Variants in LMX1B observed in about 807,000 individuals in gnomAD.
LMX1B encodes the protein LIM homeobox transcription factor 1-beta.
Under a neutral mutation model 51.4 loss-of-function variants are expected in LMX1B, and 12 were observed. That is an observed-to-expected ratio of 0.23 (90% CI 0.15 to 0.38). LMX1B has a LOEUF of 0.38. Among genes scored for constraint, LMX1B ranks in the 10% least tolerant of loss-of-function variants. The pLI is 1.00. For missense variants in LMX1B, 445 were observed against 571.1 expected, an observed-to-expected ratio of 0.78 and a Z score of 2.25; for synonymous variants, 237 against 235.4, an observed-to-expected ratio of 1.01 and a Z score of -0.06.
At chr9:126,684,672 G>T (rs1231043002) in intron 2 of LMX1B, among the ~76,000 whole-genome samples, 1 of 152,144 alleles carries the variant, frequency 6.6e-6, no homozygotes, top group Non-Finnish European at 1.5e-5. Context: ...GGTCTGGTTG[G>T]CTCCCCTTGA....
At chr9:126,656,387 A>C (rs1175364741) in intron 2 of LMX1B, among the ~76,000 whole-genome samples, 2 of 43,110 alleles carry the variant, frequency 4.6e-5, no homozygotes, top group African/African-American at 8.4e-5. Flanking sequence ...TGGTCTTTAG[A>C]TAGATAGATA....
chr9:126,694,345 C>G (rs1301531561), intron 6 of LMX1B, among the ~76,000 whole-genome samples: 2 of 152,192 alleles, frequency 1.3e-5, no homozygotes, highest in East Asian at 3.9e-4. Context: ...CAGCCCCAAG[C>G]CTGGAGCTCA....
chr9:126,640,470 C>T (rs1039919302), intron 2 of LMX1B, among the ~76,000 whole-genome samples: 2 of 152,172 alleles, frequency 1.3e-5, no homozygotes, highest in Non-Finnish European at 2.9e-5. Flanking sequence ...TGCACCAGTC[C>T]TGGGCCTTTG....
intron 2 of LMX1B, among the ~76,000 whole-genome samples, chr9:126,643,732 G>C (rs1029620128): frequency 6.6e-6 from 1 of 152,210 alleles, no homozygotes; most frequent in Admixed American, 6.5e-5. Context: ...GGGTGTGTCC[G>C]TGGACTCCCT....
intron 2 of LMX1B, among the ~76,000 whole-genome samples, chr9:126,639,699 G>T (rs947321400): frequency 1.3e-5 from 2 of 152,208 alleles, no homozygotes; most frequent in African/African-American, 2.4e-5. Flanking sequence ...TGACTGGGGA[G>T]GGGGGCAGAG....
chr9:126,614,343 C>A lies in LMX1B; in HGVS notation c.-107C>A. ...GGGGGCCGGCGCAACCCCTGCCCTG[C>A]GGGGGCCGCGCCTCCCCGGTTCCAG... is the stretch of plus-strand genomic sequence containing the variant. On this transcript the variant is annotated 5_prime_UTR_variant, in exon 1 of 8. Transcript: ENST00000373474. 12 of 805,220 alleles carry A rather than the reference C, an allele frequency of 1.5e-5. No homozygotes were observed. Among genetic ancestry groups the A allele is most frequent in the Non-Finnish European group, 1.8e-5 (12 of 653,914 alleles). The allele number at this position is 805,220 out of a possible 1,614,324, so 49.9% of individuals were successfully genotyped here.
At position 126,696,539 on chromosome 9, in the gene LMX1B, T is replaced by G; in HGVS notation, c.*88T>G. Reference sequence around the variant, plus strand: ...CAGCCTGGCCACCCCCGCCCTGCTCTCCGCACAGACTACAGACAGCCATAC... The same window carrying G: ...CAGCCTGGCCACCCCCGCCCTGCTCGCCGCACAGACTACAGACAGCCATAC... On this transcript the variant is annotated 3_prime_UTR_variant, in exon 8 of 8. Coordinates refer to ENST00000373474, the MANE Select transcript of LMX1B (RefSeq NM_001174147.2). 11 of 1,492,714 alleles carry G rather than the reference T, an allele frequency of 7.4e-6. No individual in the cohort carries two copies. Among genetic ancestry groups the G allele is most frequent in the Non-Finnish European group, 1.0e-5 (11 of 1,075,524 alleles). 92.5% of individuals were successfully genotyped at this position (1,492,714 alleles called of 1,614,324 possible).
chr9:126,671,031 T>A lies in LMX1B; in HGVS notation c.327-19805T>A. Reference sequence around the variant, plus strand: ...TGTCTGGAGGGGAGTGCAGGACAGATACACAGCCAGGGGCCATGCCAGGTG... The same window carrying A: ...TGTCTGGAGGGGAGTGCAGGACAGAAACACAGCCAGGGGCCATGCCAGGTG... On this transcript the variant is annotated intron_variant, in intron 2 of 7. Transcript: ENST00000373474. This position sits in a 1 kb window ranked among gnomAD's most constrained non-coding sequence, Gnocchi z 4.4. 6.6e-6 allele frequency among the ~76,000 whole-genome samples: 1 copy of A among 152,086 alleles called. No homozygotes were observed. Among genetic ancestry groups the A allele is most frequent in the Non-Finnish European group, 1.5e-5 (1 of 68,028 alleles).
At chr9:126,687,270 C>T (rs1342733586) in intron 2 of LMX1B, among the ~76,000 whole-genome samples, 1 of 151,832 alleles carries the variant, frequency 6.6e-6, no homozygotes, top group Non-Finnish European at 1.5e-5. Context: ...TCTCTGTCGC[C>T]CAGGCTGGAG....
chr9:126,687,800 C>G (rs1249724311), intron 2 of LMX1B, among the ~76,000 whole-genome samples: 1 of 152,182 alleles, frequency 6.6e-6, no homozygotes, highest in Non-Finnish European at 1.5e-5. Flanking sequence ...CCATGTGATT[C>G]CAATGCCACC....
rs1011528130 is a variant in LMX1B at position 126,626,768 on chromosome 9, C to A, written c.326+11199C>A. Among the ~76,000 whole-genome samples, 3 of 152,196 alleles carry A rather than the reference C, an allele frequency of 2.0e-5. No homozygotes were observed. Among genetic ancestry groups the A allele is most frequent in the Non-Finnish European group, 4.4e-5 (3 of 68,030 alleles). ...GCAAACTCTGCGGATTAGGTTTCAGCGCCTCCGCCCCACCCCCAGCCCCGC... is the reference window on the plus strand; with the variant it reads ...GCAAACTCTGCGGATTAGGTTTCAGAGCCTCCGCCCCACCCCCAGCCCCGC... On this transcript the variant is annotated intron_variant, in intron 2 of 7. Coordinates refer to ENST00000373474, the MANE Select transcript of LMX1B (RefSeq NM_001174147.2). This position sits in a 1 kb window ranked among gnomAD's most constrained non-coding sequence, Gnocchi z 4.3.
At position 126,693,339 on chromosome 9, in the gene LMX1B, G is replaced by T. The variant is rs374894222; in HGVS notation, c.741+16G>T. 215 of 1,583,440 alleles carry T rather than the reference G, an allele frequency of 1.4e-4. No homozygotes were observed. In the African/African-American group the frequency reaches 2.8e-3, roughly 21 times the overall value. On this transcript the variant is annotated intron_variant, in intron 4 of 7. Transcript: ENST00000373474. ...TTGCCGAAAGGTGAGGGGCGGCCGG[G>T]GGGCGGGGCTCAGGCTGATGCCCGC...
Position 126,615,348 on chromosome 9 carries a change from C to T in LMX1B, c.140-35C>T, listed in dbSNP as rs747714281. 6.7e-7 allele frequency: 1 copy of T among 1,500,180 alleles called. No individual in the cohort carries two copies. The highest frequency in any genetic ancestry group is 8.9e-7 in the Non-Finnish European group (1 of 1,127,562). The allele number at this position is 1,500,180 out of a possible 1,614,324, so 92.9% of individuals were successfully genotyped here. On this transcript the variant is annotated intron_variant, in intron 1 of 7. Coordinates refer to ENST00000373474, the MANE Select transcript of LMX1B (RefSeq NM_001174147.2). The surrounding 1 kb of genome is among the most constrained non-coding windows in gnomAD (Gnocchi z 6.0). ...GGGACGCCGGGGCTGGGCCGGGCGG[C>T]GCTGACGGCCGGGCTTTCGCCCTGT...
rs149434820 is a variant in LMX1B, at chr9:126,690,960, C to A, written c.451C>A (p.Arg151Ser). The A allele has an allele frequency of 1.5e-5, 24 of 1,613,946 alleles. No homozygotes were observed. The highest frequency in any genetic ancestry group is 1.7e-6 in the Non-Finnish European group (2 of 1,179,978). ...CTGCTGCGTGTGTGAACGGCAGCTA[C>A]GCAAGGGCGACGAATTCGTGCTCAA... Reference protein sequence around the residue: ...FCCCVCERQLRKGDEFVLKEG... With the variant: ...FCCCVCERQLSKGDEFVLKEG... Residue 151 changes from arginine (R) to serine (S), a missense_variant, in exon 3 of 8, where the codon CGC (arginine) becomes AGC (serine). Physicochemically the swap from Arg to Ser is moderately radical, Grantham distance 110. Transcript: ENST00000373474.
intron 2 of LMX1B, among the ~76,000 whole-genome samples, chr9:126,628,424 T>C (rs1023473229): frequency 7.2e-5 from 11 of 152,308 alleles, no homozygotes; most frequent in African/African-American, 2.6e-4. Context: ...AAGAGTTTGA[T>C]ATTGTTATGA....
intron 2 of LMX1B, among the ~76,000 whole-genome samples, chr9:126,683,613 C>T (rs1277815416): frequency 6.6e-6 from 1 of 152,218 alleles, no homozygotes; most frequent in East Asian, 1.9e-4. Context: ...GTCCCGCCCA[C>T]AACCATAACC....
At chr9:126,622,607 C>T (rs901067383) in intron 2 of LMX1B, among the ~76,000 whole-genome samples, 2 of 152,218 alleles carry the variant, frequency 1.3e-5, no homozygotes, top group South Asian at 2.1e-4. Flanking sequence ...CCCCTTCTCC[C>T]GCCTCCTGCC....
At chr9:126,680,176 C>G (rs1359469361) in intron 2 of LMX1B, among the ~76,000 whole-genome samples, 1 of 152,204 alleles carries the variant, frequency 6.6e-6, no homozygotes, top group Non-Finnish European at 1.5e-5. Flanking sequence ...GGCCAGAGGC[C>G]CAGCAGCTCC....
At chr9:126,660,154 C>T (rs10987396) in intron 2 of LMX1B, among the ~76,000 whole-genome samples, 162 of 68,430 alleles carry the variant, frequency 2.4e-3, no homozygotes, top group African/African-American at 2.9e-3. Flanking sequence ...CTACACTGGC[C>T]TTAGAGATTG....
Sources: allele counts gnomAD v4.1 joint callset (sites outside exome capture counted in the v4.1 genomes callset), GRCh38; gene constraint gnomAD v4.1.1; non-coding constraint Gnocchi (gnomAD v3.1); transcripts MANE v1.5; gene names NCBI Gene and HGNC (gene_info 2026-07-23, HGNC 2026-07-21).